ST3GAL6: variants seen among roughly 807,000 people sequenced by gnomAD.
ST3GAL6 encodes the protein type 2 lactosamine alpha-2,3-sialyltransferase.
In ST3GAL6, 31 loss-of-function variants were observed where a neutral mutation model predicts 40.5. That is an observed-to-expected ratio of 0.77 (90% CI 0.58 to 1.03). The LOEUF (loss-of-function observed/expected upper bound fraction) is 1.03, where lower values mean the gene tolerates loss of function less well. Ranked by LOEUF, ST3GAL6 falls within the 50% of genes least tolerant of loss-of-function variation. The pLI is 0.00. For synonymous variants in ST3GAL6, 129 were observed against 136.9 expected (o/e 0.94, Z 0.40); for missense variants, 357 against 393.2 (o/e 0.91, Z 0.78).
At chr3:98,772,975 G>T in intron 4 of ST3GAL6, 59 bp downstream of exon 4, 2 of 1,047,152 alleles carry the variant, frequency 1.9e-6, no homozygotes, top group Non-Finnish European at 1.5e-6. Flanking sequence ...GATGAGAATG[G>T]CATGTTAATA....
chr3:98,772,831 T>C lies in ST3GAL6; in HGVS notation c.186T>C (p.Pro62=), dbSNP rs749870374. The change falls in exon 4 of 10, where the codon CCT becomes CCC. Residue 62 remains proline, a synonymous_variant. Transcript: ENST00000483910. ...ASLLRFHQFH[P]FLCAADFRKI... ...CTTCCAGGTTTCATCAGTTTCACCC[T>C]TTTCTGTGTGCGGCTGATTTTAGAA... 2.5e-6 allele frequency: 4 copies of C among 1,612,686 alleles called. No homozygotes were observed. Among genetic ancestry groups the C allele is most frequent in the Non-Finnish European group, 3.4e-6 (4 of 1,179,026 alleles).
chr3:98,776,928 T>C (rs1939608506), intron 5 of ST3GAL6, among the ~76,000 whole-genome samples: 1 of 152,196 alleles, frequency 6.6e-6, no homozygotes, highest in Non-Finnish European at 1.5e-5. Flanking sequence ...ACTCAAAATA[T>C]CAGTTGTGAT....
At chr3:98,742,076 A>G (rs756180468) in intron 1 of ST3GAL6, among the ~76,000 whole-genome samples, 19 of 152,180 alleles carry the variant, frequency 1.2e-4, no homozygotes, top group Non-Finnish European at 2.8e-4. Flanking sequence ...TCACAGCTTC[A>G]TTTTACACAA....
chr3:98,757,717 T>C (rs1306224065), intron 1 of ST3GAL6, among the ~76,000 whole-genome samples: 1 of 152,228 alleles, frequency 6.6e-6, no homozygotes, highest in African/African-American at 2.4e-5. Flanking sequence ...TTTATCTGTA[T>C]GATAGGGATG....
upstream of ST3GAL6, among the ~76,000 whole-genome samples, chr3:98,762,105 C>G (rs1287721195): frequency 6.6e-6 from 1 of 151,878 alleles, no homozygotes; most frequent in African/African-American, 2.4e-5. Context: ...GGTGAAAGCA[C>G]TGGCTTTGTT....
At chr3:98,738,504 C>A (rs1935772428) in intron 1 of ST3GAL6, among the ~76,000 whole-genome samples, 1 of 152,166 alleles carries the variant, frequency 6.6e-6, no homozygotes, top group African/African-American at 2.4e-5. Flanking sequence ...TCTTGAACTT[C>A]TGGGCTCAAG....
chr3:98,772,426 T>C (rs1939094300), intron 3 of ST3GAL6: 1 of 157,040 alleles, frequency 6.4e-6, no homozygotes, highest in African/African-American at 2.4e-5. Context: ...CAACTTCACA[T>C]ATATGGTACT....
intron 1 of ST3GAL6, among the ~76,000 whole-genome samples, chr3:98,755,808 T>C (rs1937374251): frequency 8.6e-6 from 1 of 116,374 alleles, no homozygotes; most frequent in African/African-American, 3.2e-5. Flanking sequence ...GAGATTTTTT[T>C]CATTTTTTTT....
At chr3:98,771,776 G>A (rs1939025975) in intron 3 of ST3GAL6, among the ~76,000 whole-genome samples, 1 of 152,302 alleles carries the variant, frequency 6.6e-6, no homozygotes, top group East Asian at 1.9e-4. Flanking sequence ...ATGGCTGCCT[G>A]TAGCCTTTCC....
intron 1 of ST3GAL6, among the ~76,000 whole-genome samples, chr3:98,765,393 G>T (rs1161998009): frequency 6.6e-6 from 1 of 152,092 alleles, no homozygotes; most frequent in Non-Finnish European, 1.5e-5. Context: ...TAAACCTTCA[G>T]TTTTCCTCAT....
chr3:98,773,125 G>T (rs1200281525), intron 4 of ST3GAL6: 2 of 323,022 alleles, frequency 6.2e-6, no homozygotes, highest in African/African-American at 4.3e-5. Flanking sequence ...GATAACAGGG[G>T]TAGATTTGTT....
chr3:98,764,203 C>T (rs1163396089), intron 1 of ST3GAL6, among the ~76,000 whole-genome samples: 1 of 152,100 alleles, frequency 6.6e-6, no homozygotes, highest in African/African-American at 2.4e-5. Flanking sequence ...TTGCACTAAC[C>T]TAATGCTTGA....
At chr3:98,745,029 T>A (rs1285366158) in intron 1 of ST3GAL6, among the ~76,000 whole-genome samples, 1 of 151,768 alleles carries the variant, frequency 6.6e-6, no homozygotes, top group Non-Finnish European at 1.5e-5. Context: ...TTTTTTTAAA[T>A]TTTATTTATT....
At chr3:98,741,620 T>C (rs1452974646) in intron 1 of ST3GAL6, among the ~76,000 whole-genome samples, 1 of 152,158 alleles carries the variant, frequency 6.6e-6, no homozygotes, top group Non-Finnish European at 1.5e-5. Flanking sequence ...AGGAGCCAGC[T>C]GGATCAGACT....
intron 5 of ST3GAL6, 107 bp downstream of exon 5, chr3:98,774,090 G>C: frequency 1.1e-6 from 1 of 952,276 alleles, no homozygotes. Flanking sequence ...AAATTTCATA[G>C]CGTTTGTGCA....
chr3:98,788,447 T>C lies in ST3GAL6; in HGVS notation c.740T>C (p.Val247Ala). Reference protein sequence around the residue: ...AAYELLHFPKVFPKNQKPKHP... With the variant: ...AAYELLHFPKAFPKNQKPKHP... ...TATGAACTGCTTCATTTTCCAAAAG[T>C]GTTTCCCAAAAATCAGGTATGTATT... The change falls in exon 8 of 10, where the codon GTG becomes GCG. Residue 247 changes from valine (V) to alanine (A), a missense_variant. Physicochemically the swap from Val to Ala is moderately conservative, Grantham distance 64. Transcript: ENST00000483910. 1 of 1,608,212 alleles carries C rather than the reference T, an allele frequency of 6.2e-7. No homozygotes were observed.
At chr3:98,777,983 C>T (rs1420259723) in intron 5 of ST3GAL6, among the ~76,000 whole-genome samples, 1 of 152,144 alleles carries the variant, frequency 6.6e-6, no homozygotes. Flanking sequence ...TTGCTTTCTC[C>T]TCAGTGGAAG....
chr3:98,749,452 A>G lies in ST3GAL6; in HGVS notation c.-12+16920A>G, dbSNP rs146706048. ...ACACGGGAATTTTAAGGTTTGGTAT[A>G]TGCTCATCTGATTGTTCACCCTTAA... On this transcript the variant is annotated intron_variant, in intron 1 of 9. Transcript: ENST00000265261. 2.7e-4 allele frequency among the ~76,000 whole-genome samples: 41 copies of G among 152,334 alleles called. 1 individual carries two copies. Among genetic ancestry groups the G allele is most frequent in the African/African-American group, 9.6e-4 (40 of 41,586 alleles).
chr3:98,770,906 A>G lies in ST3GAL6; in HGVS notation c.117A>G (p.Arg39=). 1 of 1,614,152 alleles carries G rather than the reference A, an allele frequency of 6.2e-7. No individual in the cohort carries two copies. Among genetic ancestry groups the G allele is most frequent in the East Asian group, 2.2e-5 (1 of 44,878 alleles). ...YWVAPVEMKR[R]NKIQPCLSKP... is the part of the protein sequence containing the mutation. ...TGGCACCTGTGGAAATGAAACGGAGAAATAAGATCCAGCCTTGTTTATCAA... is the reference window on the plus strand; with the variant it reads ...TGGCACCTGTGGAAATGAAACGGAGGAATAAGATCCAGCCTTGTTTATCAA... Residue 39 remains arginine, a synonymous_variant, in exon 3 of 10, where the codon AGA becomes AGG. Coordinates refer to ENST00000483910, the MANE Select transcript of ST3GAL6 (RefSeq NM_001323368.2).
Sources: allele counts gnomAD v4.1 joint callset (sites outside exome capture counted in the v4.1 genomes callset), GRCh38; gene constraint gnomAD v4.1.1; transcripts MANE v1.5; gene names NCBI Gene and HGNC (gene_info 2026-07-23, HGNC 2026-07-21).